CFLAR: variants seen among roughly 807,000 people sequenced by gnomAD.
CFLAR encodes the protein CASP8 and FADD like apoptosis regulator.
In CFLAR, 14 loss-of-function variants were observed where a neutral mutation model predicts 51.1. The ratio of observed to expected loss-of-function variants is 0.27; its 90% CI spans 0.18 to 0.43. The LOEUF (loss-of-function observed/expected upper bound fraction) is 0.43. Ranked by LOEUF, CFLAR falls within the 20% of genes least tolerant of loss-of-function variation. The pLI is 1.00. For missense variants in CFLAR, 390 were observed against 566.5 expected, an observed-to-expected ratio of 0.69 and a Z score of 3.16; for synonymous variants, 210 against 211.6, an observed-to-expected ratio of 0.99 and a Z score of 0.06.
In CFLAR at chr2:201,161,009, A is replaced by G. The variant is rs1942921237; in HGVS notation, c.1304+67A>G. ...TTTTCGTGCCACCAGGATGGGAATT[A>G]CCACTGTGCCACATTTGCTGCCCAT... is the stretch of plus-strand genomic sequence containing the variant. On this transcript the variant is annotated intron_variant, in intron 9 of 9. Coordinates refer to ENST00000309955, the MANE Select transcript of CFLAR (RefSeq NM_003879.7). The G allele has an allele frequency of 6.3e-6, 7 of 1,111,540 alleles. No individual in the cohort carries two copies. The Admixed American group carries it at 1.5e-4, about 23-fold the overall frequency. The allele number at this position is 1,111,540 out of a possible 1,614,324, so 68.9% of individuals were successfully genotyped here.
At chr2:201,127,713 C>G (rs2048843841) in intron 1 of CFLAR, among the ~76,000 whole-genome samples, 1 of 152,146 alleles carries the variant, frequency 6.6e-6, no homozygotes, top group Non-Finnish European at 1.5e-5. Context: ...TGGGCTGGCT[C>G]CACACGGGAT....
intron 5 of CFLAR, chr2:201,141,501 T>C (rs184131473): frequency 7.2e-6 from 11 of 1,520,376 alleles, no homozygotes; most frequent in Admixed American, 2.1e-5. Context: ...AAATGTGTTA[T>C]AATGTGTTTA....
chr2:201,136,701 G>A, intron 4 of CFLAR: 1 of 722,588 alleles, frequency 1.4e-6, no homozygotes. Context: ...AAAGGGCATG[G>A]CTGAGACTCA....
chr2:201,130,933 C>G (rs2049245126), intron 2 of CFLAR, among the ~76,000 whole-genome samples: 2 of 152,220 alleles, frequency 1.3e-5, no homozygotes, highest in African/African-American at 4.8e-5. Context: ...ACTCCATCAT[C>G]CCTTCTGAAT....
rs2047952975 is a variant in CFLAR, at chr2:201,119,491, C to G, written c.-138+3010C>G. Among the ~76,000 whole-genome samples the G allele has an allele frequency of 4.6e-5, 7 of 152,116 alleles. No homozygotes were observed. The South Asian group carries it at 1.5e-3, about 32-fold the overall frequency. ...TGTTTTGTCTTTTCTTTTAGTATGCCCAGGTAACTTGCAGAACCCGGTCGT... is the reference window on the plus strand; with the variant it reads ...TGTTTTGTCTTTTCTTTTAGTATGCGCAGGTAACTTGCAGAACCCGGTCGT... On this transcript the variant is annotated intron_variant, in intron 1 of 9. Coordinates refer to ENST00000309955, the MANE Select transcript of CFLAR (RefSeq NM_003879.7).
intron 3 of CFLAR, 112 bp downstream of exon 3, chr2:201,133,246 C>G: frequency 2.9e-6 from 2 of 692,110 alleles, no homozygotes; most frequent in Non-Finnish European, 5.2e-6. Flanking sequence ...TAGTGGGAGT[C>G]AGACATCTCA....
In CFLAR at chr2:201,133,010, G is replaced by A; in HGVS notation, c.282-19G>A. Reference sequence around the variant, plus strand: ...GGACTGATGTCTGAATTAACTAAATGAACTTGTCTGGTTTGCAGAGTGCTG... The same window carrying A: ...GGACTGATGTCTGAATTAACTAAATAAACTTGTCTGGTTTGCAGAGTGCTG... On this transcript the variant is annotated intron_variant, in intron 2 of 9. Coordinates refer to ENST00000309955, the MANE Select transcript of CFLAR (RefSeq NM_003879.7). 2 of 1,605,830 alleles carry A rather than the reference G, an allele frequency of 1.2e-6. No individual in the cohort carries two copies. The highest frequency in any genetic ancestry group is 2.7e-5 in the African/African-American group (2 of 74,924).
chr2:201,126,473 A>ATGGCG, intron 1 of CFLAR, among the ~76,000 whole-genome samples: 1 of 152,234 alleles, frequency 6.6e-6, no homozygotes, highest in Non-Finnish European at 1.5e-5. Context: ...GAAACAGCCA[A>ATGGCG]GATGGAGTCT....
Position 201,171,150 on chromosome 2 carries a change from G to C in CFLAR, c.*7177G>C, listed in dbSNP as rs1943983697. The C allele has an allele frequency of 6.6e-6, 1 of 152,152 alleles. No individual in the cohort carries two copies. The highest frequency in any genetic ancestry group is 2.4e-5 in the African/African-American group (1 of 41,444). 9.4% of individuals were successfully genotyped at this position (152,152 alleles called of 1,614,324 possible). A position where few individuals can be genotyped will look rare whatever the true frequency, so the allele number is the denominator to read the frequency against. ...TACAATGGACTTTGGGGACTTAGGG[G>C]AAAGGGTGGGAGGGGGGTGAAGGAT... On this transcript the variant is annotated 3_prime_UTR_variant, in exon 10 of 10. Coordinates refer to ENST00000309955, the MANE Select transcript of CFLAR (RefSeq NM_003879.7).
chr2:201,140,295 T>C, intron 4 of CFLAR, 62 bp from the exon 5 acceptor site: 1 of 1,579,228 alleles, frequency 6.3e-7, no homozygotes. Context: ...GAACCACTAT[T>C]GAAGATTTAT....
At position 201,133,142 on chromosome 2, in the gene CFLAR, T is replaced by C; in HGVS notation, c.387+8T>C. ...AAGATAAGCAAGGAGAAGGTGAGTT[T>C]TCTTCTTTTGGTTCATGGCCCCAGG... On this transcript the variant is annotated splice_region_variant and intron_variant, in intron 3 of 9. Transcript: ENST00000309955. 2 of 1,608,220 alleles carry C rather than the reference T, an allele frequency of 1.2e-6. No individual in the cohort carries two copies. The highest frequency in any genetic ancestry group is 1.7e-6 in the Non-Finnish European group (2 of 1,174,786).
chr2:201,161,374 TAAAC>T (rs1329618373), intron 9 of CFLAR, among the ~76,000 whole-genome samples: 2 of 151,844 alleles, frequency 1.3e-5, no homozygotes, highest in Non-Finnish European at 2.9e-5. Context: ...TTGTCTCCAA[TAAAC>T]AAATAAATAA....
At chr2:201,130,187 G>GTTGGA in intron 2 of CFLAR, 41 bp downstream of exon 2, 1 of 292,394 alleles carries the variant, frequency 3.4e-6, no homozygotes, top group Non-Finnish European at 7.1e-6. Flanking sequence ...GGGTGGGAGG[G>GTTGGA]AGTGAAGTGT....
At chr2:201,146,312 T>G (rs1238931716) in intron 6 of CFLAR, 1 of 152,000 alleles carries the variant, frequency 6.6e-6, no homozygotes, top group East Asian at 1.9e-4. Context: ...ACACCCAGTT[T>G]ATTTTTGTAT....
rs924399879 is a variant in CFLAR at position 201,176,281 on chromosome 2, G to C, written c.*12308G>C. ...CAGTCTCAGGTGTTTTCTATTGCGGGGGGGGGGGGCGGGCGGGGGAGCTGC... is the reference window on the plus strand; with the variant it reads ...CAGTCTCAGGTGTTTTCTATTGCGGCGGGGGGGGGCGGGCGGGGGAGCTGC... On this transcript the variant is annotated 3_prime_UTR_variant, in exon 10 of 10. Transcript: ENST00000309955. 13 of 124,346 alleles carry C rather than the reference G, an allele frequency of 1.0e-4. 1 individual carries two copies. Among genetic ancestry groups the C allele is most frequent in the East Asian group, 9.0e-4 (3 of 3,326 alleles). The allele number at this position is 124,346 out of a possible 1,614,324, so 7.7% of individuals were successfully genotyped here. A position where few individuals can be genotyped will look rare whatever the true frequency, so the allele number is the denominator to read the frequency against.
intron 8 of CFLAR, chr2:201,151,128 G>A (rs1941212727): frequency 6.6e-6 from 1 of 152,200 alleles, no homozygotes; most frequent in African/African-American, 2.4e-5. Flanking sequence ...AGCTGTGTCA[G>A]TCAGTTCTGC....
At chr2:201,161,539 A>T (rs548029806) in intron 9 of CFLAR, among the ~76,000 whole-genome samples, 1 of 150,160 alleles carries the variant, frequency 6.7e-6, no homozygotes, top group African/African-American at 2.4e-5. Context: ...TCACCCTCCC[A>T]AGTAGCTGGG....
chr2:201,133,170 C>G, intron 3 of CFLAR, 36 bp downstream of exon 3: 1 of 1,531,132 alleles, frequency 6.5e-7, no homozygotes, highest in Non-Finnish European at 9.0e-7. Flanking sequence ...GCCCCAGGAG[C>G]CTATCAGAAG....
At chr2:201,159,662 A>G (rs778684322) in intron 8 of CFLAR, among the ~76,000 whole-genome samples, 6 of 152,260 alleles carry the variant, frequency 3.9e-5, no homozygotes, top group Non-Finnish European at 7.3e-5. Flanking sequence ...AAAAGTAAGA[A>G]GCCTTTTCCT....
Sources: allele counts gnomAD v4.1 joint callset (sites outside exome capture counted in the v4.1 genomes callset), GRCh38; gene constraint gnomAD v4.1.1; transcripts MANE v1.5; gene names NCBI Gene and HGNC (gene_info 2026-07-23, HGNC 2026-07-21).